CLNK: variants seen among roughly 807,000 people sequenced by gnomAD.
CLNK encodes cytokine-dependent hematopoietic cell linker.
Under a neutral mutation model 68.6 loss-of-function variants are expected in CLNK, and 74 were observed. That is an observed-to-expected ratio of 1.08 (90% confidence interval 0.89 to 1.31). The LOEUF (loss-of-function observed/expected upper bound fraction) is 1.31. Ranked by LOEUF, CLNK falls within the 50% of genes most tolerant of loss-of-function variation. The pLI is 0.00. For synonymous variants in CLNK, 198 were observed against 172.2 expected (o/e 1.15, Z -1.17); for missense variants, 553 against 515.3 (o/e 1.07, Z -0.71).
intron 2 of CLNK, among the ~76,000 whole-genome samples, chr4:10,609,393 C>G (rs1480970138): frequency 6.6e-6 from 1 of 152,236 alleles, no homozygotes; most frequent in Non-Finnish European, 1.5e-5. Context: ...ACCTGGGCTG[C>G]ATTCCTGTCT....
the CLNK span, among the ~76,000 whole-genome samples, chr4:10,692,671 G>A: frequency 6.6e-6 from 1 of 152,142 alleles, no homozygotes; most frequent in African/African-American, 2.4e-5. Context: ...GTGAGAGTGG[G>A]GTTTTGTCTC....
At chr4:10,698,131 G>T in the CLNK span, among the ~76,000 whole-genome samples, 1 of 152,140 alleles carries the variant, frequency 6.6e-6, no homozygotes, top group East Asian at 1.9e-4. Flanking sequence ...TCAGGAGGTG[G>T]TTTGTAAATT....
At chr4:10,656,036 C>T (rs1465266878) in intron 2 of CLNK, among the ~76,000 whole-genome samples, 1 of 152,026 alleles carries the variant, frequency 6.6e-6, no homozygotes, top group African/African-American at 2.4e-5. Flanking sequence ...CAAACTCCTC[C>T]ACACTATACA....
chr4:10,703,189 T>TGGGTTA, the CLNK span, among the ~76,000 whole-genome samples: 10 of 152,338 alleles, frequency 6.6e-5, no homozygotes, highest in Non-Finnish European at 1.2e-4. Context: ...TTAGACCTAT[T>TGGGTTA]GGGTTCAGCT....
chr4:10,722,302 A>C, the CLNK span, among the ~76,000 whole-genome samples: 2 of 152,170 alleles, frequency 1.3e-5, no homozygotes, highest in African/African-American at 4.8e-5. Flanking sequence ...CCCCAGTATA[A>C]AATCCAAGCT....
chr4:10,514,289 T>C (rs2109039883), intron 15 of CLNK, among the ~76,000 whole-genome samples: 1 of 151,194 alleles, frequency 6.6e-6, no homozygotes, highest in South Asian at 2.1e-4. Context: ...TCCAAGTCTT[T>C]GCTATTGTGA....
intron 18 of CLNK, among the ~76,000 whole-genome samples, chr4:10,497,612 A>T (rs1716866497): frequency 6.6e-6 from 1 of 152,224 alleles, no homozygotes; most frequent in South Asian, 2.1e-4. Context: ...TGACAGTCTG[A>T]TTAAGCTGTT....
chr4:10,686,742 T>C (rs906674789), upstream of CLNK, among the ~76,000 whole-genome samples: 1 of 151,980 alleles, frequency 6.6e-6, no homozygotes, highest in African/African-American at 2.4e-5. Flanking sequence ...GTGGTCTTCA[T>C]TGGCAAATAA....
At chr4:10,668,008 G>C (rs1724476278) in intron 1 of CLNK, 97 bp from the exon 2 acceptor site, 1 of 577,894 alleles carries the variant, frequency 1.7e-6, no homozygotes. Flanking sequence ...ATCGGATACA[G>C]GTGCTGGTTT....
intron 1 of CLNK, among the ~76,000 whole-genome samples, chr4:10,668,401 T>C (rs1034940340): frequency 1.3e-5 from 2 of 152,214 alleles, no homozygotes; most frequent in African/African-American, 2.4e-5. Context: ...AGATTATTAG[T>C]GTTATTTACC....
chr4:10,560,417 T>C lies in CLNK; in HGVS notation c.400-1965A>G, dbSNP rs76012837. The stretch of plus-strand genomic sequence containing the variant: ...AATTATTGAAGATCCATTTCTTTTT[T>C]TCTTTCTTTTTATTTTCTTTGAGAC... On this transcript the variant is annotated intron_variant, in intron 7 of 18. Coordinates refer to ENST00000226951, the MANE Select transcript of CLNK (RefSeq NM_052964.4). 7.9e-3 allele frequency among the ~76,000 whole-genome samples: 1,200 copies of C among 152,322 alleles called. 21 individuals carry two copies. Among genetic ancestry groups the C allele is most frequent in the East Asian group, 0.056 (291 of 5,182 alleles).
At chr4:10,571,719 A>G (rs1365478580) in intron 5 of CLNK, 22 bp downstream of exon 5, 1 of 1,597,714 alleles carries the variant, frequency 6.3e-7, no homozygotes, top group South Asian at 1.1e-5. Context: ...TATAAAATAG[A>G]TAAGGGAAGC....
chr4:10,704,880 A>T, the CLNK span, among the ~76,000 whole-genome samples: 145 of 152,288 alleles, frequency 9.5e-4, 2 homozygotes, highest in Admixed American at 8.2e-3. Flanking sequence ...ATCAAAGCAG[A>T]CTTGGTTCCT....
chr4:10,580,162 C>T (rs1349594439), intron 4 of CLNK, among the ~76,000 whole-genome samples: 1 of 152,188 alleles, frequency 6.6e-6, no homozygotes, highest in Non-Finnish European at 1.5e-5. Flanking sequence ...CTGATCGGAT[C>T]CATATCATTA....
intron 14 of CLNK, among the ~76,000 whole-genome samples, chr4:10,524,536 T>A (rs966303282): frequency 1.3e-5 from 2 of 152,134 alleles, no homozygotes; most frequent in African/African-American, 4.8e-5. Flanking sequence ...AATTATTGAA[T>A]CAATTAAAGG....
chr4:10,538,119 T>C (rs1462748647), intron 11 of CLNK, among the ~76,000 whole-genome samples: 3 of 152,132 alleles, frequency 2.0e-5, no homozygotes, highest in Admixed American at 6.5e-5. Flanking sequence ...TATTTTAGTT[T>C]ATATATTTAT....
the CLNK span, among the ~76,000 whole-genome samples, chr4:10,719,207 A>C: frequency 6.6e-6 from 1 of 152,258 alleles, no homozygotes; most frequent in East Asian, 1.9e-4. Context: ...ATCAGTAGTC[A>C]TACTAAGTGT....
At chr4:10,497,635 CAG>C (rs1402328050) in intron 18 of CLNK, among the ~76,000 whole-genome samples, 1 of 152,238 alleles carries the variant, frequency 6.6e-6, no homozygotes, top group African/African-American at 2.4e-5. Context: ...GATATTATCA[CAG>C]AGTCACTCTA....
At position 10,614,339 on chromosome 4, in the gene CLNK, A is replaced by G. The variant is rs539863030; in HGVS notation, c.12-16290T>C. The stretch of plus-strand genomic sequence containing the variant: ...ACCTGGATATGTTAGATTTATCCAC[A>G]TAGAGCCCTGGTTCCCTTAAGTAAG... On this transcript the variant is annotated intron_variant, in intron 2 of 18. Transcript: ENST00000226951. Among the ~76,000 whole-genome samples, 4 of 152,308 alleles carry G rather than the reference A, an allele frequency of 2.6e-5. No individual in the cohort carries two copies. In the South Asian group the frequency reaches 8.3e-4, roughly 32 times the overall value.
Sources: allele counts gnomAD v4.1 joint callset (sites outside exome capture counted in the v4.1 genomes callset), GRCh38; gene constraint gnomAD v4.1.1; transcripts MANE v1.5; gene names NCBI Gene and HGNC (gene_info 2026-07-23, HGNC 2026-07-21).